Variants in GARIN2 observed in about 807,000 individuals in gnomAD.
GARIN2 encodes Golgi-associated RAB2 interactor protein 2.
chr14:67,221,413 C>T, the GARIN2 span, among the ~76,000 whole-genome samples: 4 of 152,148 alleles, frequency 2.6e-5, no homozygotes, highest in East Asian at 1.9e-4. Context: ...TTTATTTACA[C>T]GGCTCAGCAG....
the GARIN2 span, among the ~76,000 whole-genome samples, chr14:67,195,640 T>C: frequency 6.6e-6 from 1 of 152,070 alleles, no homozygotes; most frequent in African/African-American, 2.4e-5. Context: ...AATTATAAGA[T>C]ATATTATTAT....
the GARIN2 span, among the ~76,000 whole-genome samples, chr14:67,211,392 C>T: frequency 6.6e-6 from 1 of 152,096 alleles, no homozygotes; most frequent in Non-Finnish European, 1.5e-5. Context: ...CTGAAGTAAT[C>T]TTTCCACTAT....
At chr14:67,207,958 C>T in the GARIN2 span, among the ~76,000 whole-genome samples, 1 of 152,094 alleles carries the variant, frequency 6.6e-6, no homozygotes, top group Non-Finnish European at 1.5e-5. Flanking sequence ...AGTGACAACA[C>T]GAGCTGGGGA....
the GARIN2 span, chr14:67,198,369 TTC>T: frequency 6.5e-7 from 1 of 1,538,428 alleles, no homozygotes; most frequent in Non-Finnish European, 8.9e-7. Flanking sequence ...TTCAGTAATT[TTC>T]TCAAAGAAAA....
the GARIN2 span, chr14:67,199,718 G>GC: frequency 1.3e-6 from 2 of 1,582,042 alleles, no homozygotes; most frequent in Non-Finnish European, 1.7e-6. Context: ...TTCACCCTCT[G>GC]CCCCCAATCC....
chr14:67,193,763 G>A, the GARIN2 span, among the ~76,000 whole-genome samples: 157 of 137,200 alleles, frequency 1.1e-3, no homozygotes, highest in African/African-American at 3.9e-3. Flanking sequence ...GGCAACACAG[G>A]AAGACCCAAT....
the GARIN2 span, among the ~76,000 whole-genome samples, chr14:67,202,612 T>TAA: frequency 2.0e-5 from 3 of 152,190 alleles, no homozygotes; most frequent in Non-Finnish European, 4.4e-5. Flanking sequence ...TGGAATTTAT[T>TAA]AATTGGCTCT....
chr14:67,221,033 G>T, the GARIN2 span, among the ~76,000 whole-genome samples: 160 of 152,202 alleles, frequency 1.1e-3, no homozygotes, highest in African/African-American at 3.6e-3. Flanking sequence ...ATAAGAATTT[G>T]GTGAAAATTA....
the GARIN2 span, among the ~76,000 whole-genome samples, chr14:67,193,547 C>A: frequency 2.2e-5 from 3 of 136,296 alleles, no homozygotes; most frequent in South Asian, 4.6e-4. Flanking sequence ...AAATATATAT[C>A]TATATATAGA....
At chr14:67,208,030 C>A in the GARIN2 span, 1 of 501,868 alleles carries the variant, frequency 2.0e-6, no homozygotes, top group Non-Finnish European at 2.6e-6. Context: ...CCAACACACC[C>A]GGGGCTCTCC....
the GARIN2 span, among the ~76,000 whole-genome samples, chr14:67,192,869 G>T: frequency 7.1e-6 from 1 of 141,306 alleles, no homozygotes. Context: ...GATATATATA[G>T]ATATATAGAT....
chr14:67,198,968 C>T, the GARIN2 span: 4 of 702,996 alleles, frequency 5.7e-6, no homozygotes, highest in East Asian at 2.7e-5. Context: ...TTAATACATT[C>T]GAGAAGCTGC....
the GARIN2 span, chr14:67,225,251 T>C: frequency 6.6e-7 from 1 of 1,512,840 alleles, no homozygotes; most frequent in South Asian, 1.3e-5. Flanking sequence ...GAAAAACATG[T>C]AAGACAAACT....
the GARIN2 span, among the ~76,000 whole-genome samples, chr14:67,213,417 T>A: frequency 6.9e-6 from 1 of 145,068 alleles, no homozygotes; most frequent in Non-Finnish European, 1.5e-5. Context: ...ATGCGGTGTT[T>A]GGTTTTTTGT....
the GARIN2 span, among the ~76,000 whole-genome samples, chr14:67,190,100 G>C: frequency 2.2e-5 from 3 of 137,098 alleles, no homozygotes; most frequent in African/African-American, 8.2e-5. Context: ...TATTTTTGTA[G>C]AGACAGGGTT....
chr14:67,200,621 G>T, the GARIN2 span: 1 of 186,004 alleles, frequency 5.4e-6, no homozygotes. Flanking sequence ...GTACTAGTGT[G>T]AGCTACCCAC....
chr14:67,216,123 G>A, the GARIN2 span, among the ~76,000 whole-genome samples: 2 of 151,800 alleles, frequency 1.3e-5, no homozygotes, highest in Admixed American at 1.3e-4. Context: ...TCTAACATGT[G>A]GTACATTTGT....
At chr14:67,199,526 G>A in the GARIN2 span, 266 of 1,611,448 alleles carry the variant, frequency 1.7e-4, 3 homozygotes, top group South Asian at 1.1e-3. Context: ...TGATGCTTCA[G>A]TTGCAGCAAT....
the GARIN2 span, among the ~76,000 whole-genome samples, chr14:67,192,462 T>G: frequency 6.6e-6 from 1 of 152,042 alleles, no homozygotes; most frequent in Admixed American, 6.6e-5. Flanking sequence ...AGTAAGGTGA[T>G]TGGATCAGAG....
Sources: gnomAD v4.1 joint callset for allele counts (sites outside exome capture counted in the v4.1 genomes callset) on GRCh38, gnomAD v4.1.1 for gene constraint, MANE v1.5 for transcripts, NCBI Gene and HGNC (gene_info 2026-07-23, HGNC 2026-07-21) for gene names.